Variants in EEPD1 observed in about 807,000 individuals in gnomAD.
EEPD1 encodes the protein endonuclease/exonuclease/phosphatase family domain containing 1, also known as endonuclease/exonuclease/phosphatase family domain-containing protein 1.
Under a neutral mutation model 46.3 loss-of-function variants are expected in EEPD1, and 17 were observed. The ratio of observed to expected loss-of-function variants is 0.37; its 90% CI spans 0.25 to 0.55. The LOEUF is 0.55. EEPD1 is among the 20% of genes least tolerant of loss of function. The pLI, the probability that EEPD1 is intolerant of heterozygous loss-of-function variation, is 0.83. For synonymous variants in EEPD1, 313 were observed against 315.6 expected (o/e 0.99, Z 0.09); for missense variants, 673 against 745.6 (o/e 0.90, Z 1.13).
chr7:36,246,844 G>A (rs972349207), intron 3 of EEPD1, among the ~76,000 whole-genome samples: 1 of 152,104 alleles, frequency 6.6e-6, no homozygotes, highest in African/African-American at 2.4e-5. Flanking sequence ...ATTGAACTTG[G>A]GCTGGGCGCA....
chr7:36,242,697 T>C (rs546472651), intron 3 of EEPD1, among the ~76,000 whole-genome samples: 1 of 146,930 alleles, frequency 6.8e-6, no homozygotes, highest in East Asian at 2.0e-4. Context: ...CCAAGGTGGG[T>C]GGATCACCTG....
At chr7:36,212,382 A>T (rs1022300679) in intron 2 of EEPD1, among the ~76,000 whole-genome samples, 8 of 151,692 alleles carry the variant, frequency 5.3e-5, no homozygotes, top group African/African-American at 1.9e-4. Context: ...GCTTAAGGAG[A>T]TCGTCAGAAA....
intron 4 of EEPD1, 28 bp downstream of exon 4, chr7:36,281,253 TC>T: frequency 6.3e-7 from 1 of 1,595,188 alleles, no homozygotes; most frequent in Non-Finnish European, 8.6e-7. Context: ...GCCTGGCCTT[TC>T]CCTTCATTTA....
intron 3 of EEPD1, among the ~76,000 whole-genome samples, chr7:36,245,594 C>G (rs1019618432): frequency 2.0e-5 from 3 of 152,196 alleles, no homozygotes; most frequent in African/African-American, 7.2e-5. Flanking sequence ...TAACGCTACA[C>G]AGAGCCAGTT....
chr7:36,256,766 C>G (rs992862126), intron 3 of EEPD1, among the ~76,000 whole-genome samples: 1 of 152,004 alleles, frequency 6.6e-6, no homozygotes, highest in Non-Finnish European at 1.5e-5. Context: ...TGGGTCTTGG[C>G]TTTTTATCCA....
intron 2 of EEPD1, among the ~76,000 whole-genome samples, chr7:36,161,462 G>A (rs975278512): frequency 6.6e-6 from 1 of 152,042 alleles, no homozygotes; most frequent in Non-Finnish European, 1.5e-5. Flanking sequence ...TGGATGGGTG[G>A]TTGGAGTCTG....
chr7:36,244,411 A>G (rs1214246803), intron 3 of EEPD1, among the ~76,000 whole-genome samples: 1 of 152,244 alleles, frequency 6.6e-6, no homozygotes, highest in Non-Finnish European at 1.5e-5. Context: ...GTAGTCTTTT[A>G]AGGTCTCATA....
intron 5 of EEPD1, among the ~76,000 whole-genome samples, chr7:36,286,052 T>A (rs954053187): frequency 5.3e-5 from 8 of 152,178 alleles, no homozygotes; most frequent in African/African-American, 1.9e-4. Context: ...GGCCCTTTTT[T>A]TATGTCAAGT....
At chr7:36,231,780 A>C (rs990384022) in intron 2 of EEPD1, among the ~76,000 whole-genome samples, 1 of 152,192 alleles carries the variant, frequency 6.6e-6, no homozygotes, top group African/African-American at 2.4e-5. Context: ...CCAGGGCAAA[A>C]AGTTAGATGG....
At chr7:36,247,705 A>G (rs1786662061) in intron 3 of EEPD1, among the ~76,000 whole-genome samples, 1 of 152,140 alleles carries the variant, frequency 6.6e-6, no homozygotes, top group Admixed American at 6.5e-5. Context: ...ACTGGGCTCC[A>G]TTTCCCAGCT....
intron 3 of EEPD1, among the ~76,000 whole-genome samples, chr7:36,266,023 G>A (rs1382576769): frequency 1.3e-5 from 2 of 152,172 alleles, no homozygotes; most frequent in Non-Finnish European, 2.9e-5. Flanking sequence ...CTCAGGCGAT[G>A]TAAACCTTAG....
chr7:36,284,900 T>C, intron 5 of EEPD1, 80 bp downstream of exon 5: 2 of 1,402,570 alleles, frequency 1.4e-6, no homozygotes, highest in Non-Finnish European at 1.9e-6. Context: ...TGTAATAGCA[T>C]GAGTAAGAGA....
chr7:36,218,579 G>A (rs1403729809), intron 2 of EEPD1, among the ~76,000 whole-genome samples: 1 of 152,128 alleles, frequency 6.6e-6, no homozygotes, highest in African/African-American at 2.4e-5. Flanking sequence ...CTGAGCAAAG[G>A]GAGGGTTCAC....
At chr7:36,163,840 T>G (rs571890793) in intron 2 of EEPD1, among the ~76,000 whole-genome samples, 2 of 145,040 alleles carry the variant, frequency 1.4e-5, no homozygotes, top group South Asian at 4.3e-4. Flanking sequence ...ATCATGCCAC[T>G]GCACCCCAGC....
intron 2 of EEPD1, among the ~76,000 whole-genome samples, chr7:36,167,676 A>G (rs2115618420): frequency 6.6e-6 from 1 of 152,210 alleles, no homozygotes; most frequent in East Asian, 1.9e-4. Context: ...CACCAATTTC[A>G]GGTAGAGATT....
At chr7:36,286,851 T>C (rs543321707) in intron 5 of EEPD1, among the ~76,000 whole-genome samples, 125 of 152,200 alleles carry the variant, frequency 8.2e-4, no homozygotes, top group African/African-American at 2.8e-3. Flanking sequence ...GATTGATTGA[T>C]TGAAATGGGG....
rs112763432 is a variant in EEPD1, at chr7:36,248,209, CT to C, written c.930+9186del. ...ATAAAAATATATATACTTTAAGATA[CT>C]TTTTTTTTTTTTGAGACAGAGTCTC... On this transcript the variant is annotated intron_variant, in intron 3 of 7. Coordinates refer to ENST00000242108, the MANE Select transcript of EEPD1 (RefSeq NM_030636.3). 6.6e-3 allele frequency among the ~76,000 whole-genome samples: 960 copies of C among 144,768 alleles called. 9 individuals carry two copies. The highest frequency in any genetic ancestry group is 0.021 in the South Asian group (97 of 4,542). 95.0% of individuals were successfully genotyped at this position (144,768 alleles called of 152,430 possible). A position where few individuals can be genotyped will look rare whatever the true frequency, so the allele number is the denominator to read the frequency against.
At chr7:36,235,927 C>CT (rs35122231) in intron 2 of EEPD1, among the ~76,000 whole-genome samples, 34,201 of 138,506 alleles carry the variant, frequency 0.25, 4,483 homozygotes, top group East Asian at 0.36. Context: ...GAACTTTTTC[C>CT]TTTTTTTTTT....
At chr7:36,224,048 C>T (rs533698502) in intron 2 of EEPD1, among the ~76,000 whole-genome samples, 1 of 152,322 alleles carries the variant, frequency 6.6e-6, no homozygotes, top group South Asian at 2.1e-4. Context: ...GTTTTATCTC[C>T]TGCAGTTAAG....
Sources: gnomAD v4.1 joint callset for allele counts (sites outside exome capture counted in the v4.1 genomes callset) on GRCh38, gnomAD v4.1.1 for gene constraint, MANE v1.5 for transcripts, NCBI Gene and HGNC (gene_info 2026-07-23, HGNC 2026-07-21) for gene names.